The following EEF1AKMT2 variants were observed in gnomAD, a reference collection of about 807,000 sequenced individuals.
The protein encoded by EEF1AKMT2 is eukaryotic translation elongation factor 1 alpha lysine methyltransferase 2.
EEF1AKMT2 carries 32 observed loss-of-function variants against 35.8 expected under a neutral mutation model. That is an observed-to-expected ratio of 0.89 (90% confidence interval 0.67 to 1.20). The LOEUF is 1.20. Among genes scored for constraint, EEF1AKMT2 ranks in the 50% most tolerant of loss-of-function variants. The pLI, the probability that EEF1AKMT2 is intolerant of heterozygous loss-of-function variation, is 0.00. For missense variants in EEF1AKMT2, 330 were observed against 347.5 expected (o/e 0.95, Z 0.40); for synonymous variants, 121 against 133.7 (o/e 0.91, Z 0.65).
intron 3 of EEF1AKMT2, among the ~76,000 whole-genome samples, chr10:124,779,111 C>T (rs1266992398): frequency 6.6e-6 from 1 of 151,990 alleles, no homozygotes; most frequent in African/African-American, 2.4e-5. Flanking sequence ...ATAAAAATCT[C>T]TCAATCCAGG....
intron 2 of EEF1AKMT2, among the ~76,000 whole-genome samples, 176 bp downstream of exon 2, chr10:124,790,097 G>T (rs545674494): frequency 2.0e-5 from 3 of 152,108 alleles, no homozygotes; most frequent in Admixed American, 1.3e-4. Context: ...GTTTCACCAT[G>T]TCGGCCAGGA....
chr10:124,778,254 T>C (rs980708864), intron 3 of EEF1AKMT2, among the ~76,000 whole-genome samples: 1 of 152,054 alleles, frequency 6.6e-6, no homozygotes, highest in Admixed American at 6.6e-5. Context: ...AATCCATATG[T>C]GGAATCTGAG....
Position 124,780,953 on chromosome 10 carries a change from CTT to C in EEF1AKMT2, c.292-6173_292-6172del, listed in dbSNP as rs914033040. ...TGGAAGTCAAAAACAAGTGACGTAACTTTTTTTTTTTGAGACGGAGTCTTGCT... is the reference window on the plus strand; with the variant it reads ...TGGAAGTCAAAAACAAGTGACGTAACTTTTTTTTTGAGACGGAGTCTTGCT... On this transcript the variant is annotated intron_variant, in intron 3 of 6. Transcript: ENST00000368836. Among the ~76,000 whole-genome samples, 55 of 147,714 alleles carry C rather than the reference CTT, an allele frequency of 3.7e-4. 1 individual carries two copies. Among genetic ancestry groups the C allele is most frequent in the African/African-American group, 1.3e-3 (52 of 40,506 alleles).
At chr10:124,788,216 T>A (rs1346547667) in intron 3 of EEF1AKMT2, among the ~76,000 whole-genome samples, 1 of 152,152 alleles carries the variant, frequency 6.6e-6, no homozygotes, top group African/African-American at 2.4e-5. Context: ...GTCACCAAAC[T>A]GTCCCTGAAA....
intron 3 of EEF1AKMT2, among the ~76,000 whole-genome samples, chr10:124,777,100 T>A (rs1950493752): frequency 6.6e-6 from 1 of 151,402 alleles, no homozygotes; most frequent in East Asian, 1.9e-4. Context: ...GCCAACACGG[T>A]GAAACCCCTC....
chr10:124,775,439 T>C (rs187182617), intron 3 of EEF1AKMT2, among the ~76,000 whole-genome samples: 1 of 152,304 alleles, frequency 6.6e-6, no homozygotes, highest in East Asian at 1.9e-4. Flanking sequence ...GTAGTGTCTA[T>C]GGCAAAAGCA....
chr10:124,769,218 C>CACAAAAAAAAAAAAA (rs754443902), intron 4 of EEF1AKMT2, among the ~76,000 whole-genome samples: 3,628 of 31,246 alleles, frequency 0.12, 1,281 homozygotes, highest in Non-Finnish European at 0.13. Context: ...ACACTGTCTC[C>CACAAAAAAAAAAAAA]AAAAAAAAAA....
At chr10:124,757,334 T>C (rs1950294664), downstream of EEF1AKMT2, among the ~76,000 whole-genome samples, 2 of 151,692 alleles carry the variant, frequency 1.3e-5, no homozygotes, top group Admixed American at 6.6e-5. Flanking sequence ...CCCAGGGCTC[T>C]CCCCTGGAGA....
At chr10:124,773,816 T>C (rs138326463) in intron 4 of EEF1AKMT2, among the ~76,000 whole-genome samples, 149 of 152,254 alleles carry the variant, frequency 9.8e-4, no homozygotes, top group Middle Eastern at 3.4e-3. Context: ...GACACACAGA[T>C]ACAAAGTGAG....
chr10:124,789,924 C>T (rs1289249969), intron 2 of EEF1AKMT2, among the ~76,000 whole-genome samples: 1 of 149,422 alleles, frequency 6.7e-6, no homozygotes, highest in East Asian at 2.0e-4. Context: ...TGGAGTCTCA[C>T]TCTGTCGCCC....
downstream of EEF1AKMT2, among the ~76,000 whole-genome samples, chr10:124,757,447 T>C (rs1324846483): frequency 2.0e-5 from 3 of 152,082 alleles, no homozygotes; most frequent in Non-Finnish European, 4.4e-5. Context: ...TAAAAGAACA[T>C]AGACGAAAGT....
intron 3 of EEF1AKMT2, among the ~76,000 whole-genome samples, chr10:124,777,652 G>T (rs1302289133): frequency 6.6e-6 from 1 of 151,956 alleles, no homozygotes; most frequent in Non-Finnish European, 1.5e-5. Context: ...CAAGTAGCTG[G>T]ATAGGCTCAT....
chr10:124,762,295 C>G lies in EEF1AKMT2; in HGVS notation c.875+5G>C. 5 of 1,064,146 alleles carry G rather than the reference C, an allele frequency of 4.7e-6. No individual in the cohort carries two copies. Among genetic ancestry groups the G allele is most frequent in the Non-Finnish European group, 5.8e-6 (5 of 859,900 alleles). The allele number at this position is 1,064,146 out of a possible 1,614,324, so 65.9% of individuals were successfully genotyped here. On this transcript the variant is annotated splice_donor_5th_base_variant and intron_variant, in intron 6 of 6. Transcript: ENST00000368836. ...AAAAATAAATAAAGCTGGAAGGTCA[C>G]TTACTAAAATGCCAACGAGGGCCTG...
chr10:124,760,677 T>C (rs556972582), intron 6 of EEF1AKMT2, among the ~76,000 whole-genome samples, 174 bp from the exon 7 acceptor site: 27 of 152,220 alleles, frequency 1.8e-4, no homozygotes, highest in Non-Finnish European at 3.4e-4. Flanking sequence ...ATGTACAGCA[T>C]ATGTATGCTC....
intron 6 of EEF1AKMT2, among the ~76,000 whole-genome samples, chr10:124,761,740 A>T (rs143406534): frequency 2.6e-5 from 4 of 152,284 alleles, no homozygotes; most frequent in African/African-American, 9.6e-5. Flanking sequence ...CCGGGGCAAC[A>T]TGGCGAAACC....
At chr10:124,777,815 G>C (rs543861095) in intron 3 of EEF1AKMT2, among the ~76,000 whole-genome samples, 2 of 152,084 alleles carry the variant, frequency 1.3e-5, no homozygotes, top group Non-Finnish European at 2.9e-5. Context: ...TTACAGGCAT[G>C]AGCCACTGTG....
At chr10:124,782,454 C>G (rs1364130610) in intron 3 of EEF1AKMT2, among the ~76,000 whole-genome samples, 1 of 150,970 alleles carries the variant, frequency 6.6e-6, no homozygotes, top group Non-Finnish European at 1.5e-5. Flanking sequence ...TGGTAGCGGG[C>G]GCCTGTAGTC....
At chr10:124,763,151 T>A (rs944872184) in intron 5 of EEF1AKMT2, among the ~76,000 whole-genome samples, 26 of 152,202 alleles carry the variant, frequency 1.7e-4, no homozygotes, top group Admixed American at 1.6e-3. Context: ...TCAGAAAGAC[T>A]CCCTTAAATT....
At chr10:124,775,111 T>C (rs1446092666) in intron 3 of EEF1AKMT2, among the ~76,000 whole-genome samples, 3 of 152,194 alleles carry the variant, frequency 2.0e-5, no homozygotes, top group Non-Finnish European at 4.4e-5. Flanking sequence ...AATTCACACA[T>C]AAATTTGTCA....
Sources: gnomAD v4.1 joint callset for allele counts (sites outside exome capture counted in the v4.1 genomes callset) on GRCh38, gnomAD v4.1.1 for gene constraint, MANE v1.5 for transcripts, NCBI Gene and HGNC (gene_info 2026-07-23, HGNC 2026-07-21) for gene names.